CABCOCO1: variants seen among roughly 807,000 people sequenced by gnomAD.
The protein encoded by CABCOCO1 is ciliary-associated calcium-binding coiled-coil protein 1.
Under a neutral mutation model 35.7 loss-of-function variants are expected in CABCOCO1, and 28 were observed. The observed-to-expected ratio is 0.78, with a 90% CI of 0.58 to 1.07. The LOEUF (loss-of-function observed/expected upper bound fraction) is 1.07. Among genes scored for constraint, CABCOCO1 ranks in the 50% least tolerant of loss-of-function variants. The pLI, the probability that CABCOCO1 is intolerant of heterozygous loss-of-function variation, is 0.00. For synonymous variants in CABCOCO1, 95 were observed against 100.1 expected (o/e 0.95, Z 0.30); for missense variants, 326 against 309.2 (o/e 1.05, Z -0.41).
intron 5 of CABCOCO1, among the ~76,000 whole-genome samples, chr10:61,739,350 T>A (rs1841493867): frequency 6.6e-6 from 1 of 152,216 alleles, no homozygotes; most frequent in African/African-American, 2.4e-5. Context: ...TTCATCCAAA[T>A]TGAAAGTATT....
intron 5 of CABCOCO1, among the ~76,000 whole-genome samples, chr10:61,733,090 T>C (rs1841341454): frequency 6.6e-6 from 1 of 152,078 alleles, no homozygotes; most frequent in South Asian, 2.1e-4. Context: ...AAGTAGTATA[T>C]ACCGTGTTTA....
chr10:61,663,416 T>C (rs1360916602), intron 1 of CABCOCO1, among the ~76,000 whole-genome samples: 1 of 152,014 alleles, frequency 6.6e-6, no homozygotes, highest in African/African-American at 2.4e-5. Context: ...TAATCTCAGA[T>C]TTTTAAATGA....
At chr10:61,668,485 C>T (rs985176120) in intron 1 of CABCOCO1, among the ~76,000 whole-genome samples, 3 of 151,784 alleles carry the variant, frequency 2.0e-5, no homozygotes, top group Non-Finnish European at 2.9e-5. Context: ...AGCAGACTTC[C>T]GGTTTAGTTC....
At chr10:61,748,516 C>G (rs1564555068) in intron 5 of CABCOCO1, among the ~76,000 whole-genome samples, 1 of 152,178 alleles carries the variant, frequency 6.6e-6, no homozygotes, top group Non-Finnish European at 1.5e-5. Context: ...GAAGAAAACA[C>G]GCAGTGGGTG....
chr10:61,672,359 G>A (rs943397616), intron 1 of CABCOCO1, among the ~76,000 whole-genome samples: 4 of 152,168 alleles, frequency 2.6e-5, no homozygotes, highest in Non-Finnish European at 5.9e-5. Context: ...CAGATTCAAT[G>A]AGGAATGTTT....
At chr10:61,677,743 T>C (rs1379860846) in intron 2 of CABCOCO1, among the ~76,000 whole-genome samples, 3 of 150,390 alleles carry the variant, frequency 2.0e-5, no homozygotes, top group Admixed American at 2.0e-4. Flanking sequence ...CTCCTTCCCG[T>C]GTCCATGTGT....
intron 5 of CABCOCO1, among the ~76,000 whole-genome samples, chr10:61,705,525 C>G (rs945725011): frequency 6.6e-6 from 1 of 152,140 alleles, no homozygotes; most frequent in African/African-American, 2.4e-5. Context: ...TCAAAATGCT[C>G]AGAGCCTAGC....
intron 5 of CABCOCO1, among the ~76,000 whole-genome samples, chr10:61,747,573 C>A (rs1841690038): frequency 1.3e-5 from 2 of 152,088 alleles, no homozygotes; most frequent in African/African-American, 4.8e-5. Flanking sequence ...CTTGGTTTTG[C>A]AATGTTCCTT....
intron 2 of CABCOCO1, among the ~76,000 whole-genome samples, chr10:61,680,472 A>AT (rs1839692222): frequency 3.2e-5 from 2 of 61,898 alleles, no homozygotes; most frequent in Admixed American, 2.0e-4. Flanking sequence ...TATATAATAT[A>AT]TATTTATATA....
intron 5 of CABCOCO1, among the ~76,000 whole-genome samples, chr10:61,694,703 C>T (rs1323084804): frequency 6.6e-6 from 1 of 151,962 alleles, no homozygotes; most frequent in Non-Finnish European, 1.5e-5. Flanking sequence ...CTCAGAAATG[C>T]TTTCTATCTA....
At chr10:61,664,292 A>G (rs1219094292) in intron 1 of CABCOCO1, among the ~76,000 whole-genome samples, 1 of 152,178 alleles carries the variant, frequency 6.6e-6, no homozygotes, top group African/African-American at 2.4e-5. Context: ...AATATATACC[A>G]AGCTTAAGAC....
At chr10:61,725,357 C>T (rs1261026544) in intron 5 of CABCOCO1, among the ~76,000 whole-genome samples, 2 of 152,130 alleles carry the variant, frequency 1.3e-5, no homozygotes, top group African/African-American at 2.4e-5. Context: ...TTGGAACCAA[C>T]CCAAATGTCC....
At chr10:61,734,629 T>G (rs1035356680) in intron 5 of CABCOCO1, among the ~76,000 whole-genome samples, 18 of 152,126 alleles carry the variant, frequency 1.2e-4, no homozygotes, top group African/African-American at 4.3e-4. Flanking sequence ...TCTTTTTAAA[T>G]CTGTCTCCTG....
At position 61,680,700 on chromosome 10, in the gene CABCOCO1, ATGTT is replaced by A. The variant is rs1564532871; in HGVS notation, c.165-442_165-439del. Among the ~76,000 whole-genome samples the A allele has an allele frequency of 9.2e-3, 1,113 of 120,910 alleles. 25 individuals carry two copies. The highest frequency in any genetic ancestry group is 0.014 in the Non-Finnish European group (823 of 59,348). The allele number at this position is 120,910 out of a possible 152,430, so 79.3% of individuals were successfully genotyped here. On this transcript the variant is annotated intron_variant, in intron 2 of 7. Coordinates refer to ENST00000648843, the MANE Select transcript of CABCOCO1 (RefSeq NM_001366906.2). ...TATGTTATACATGTATAACATATAT[ATGTT>A]ATACATGTATAACATATATATTATA...
chr10:61,713,114 G>A (rs1317639374), intron 5 of CABCOCO1, among the ~76,000 whole-genome samples: 1 of 152,118 alleles, frequency 6.6e-6, no homozygotes, highest in Non-Finnish European at 1.5e-5. Context: ...CCATTTTCAC[G>A]ATATTGATTC....
chr10:61,717,033 C>T lies in CABCOCO1; in HGVS notation c.552+26412C>T, dbSNP rs193012865. Among the ~76,000 whole-genome samples the T allele has an allele frequency of 5.1e-3, 783 of 152,278 alleles. 5 individuals are homozygous for T. The highest frequency in any genetic ancestry group is 9.2e-3 in the Non-Finnish European group (626 of 68,006). ...AAAGAAAATAGTATAATGGCGAACA[C>T]TACCGAATTCTTAACTATGTGTCAG... On this transcript the variant is annotated intron_variant, in intron 5 of 7. Coordinates refer to ENST00000648843, the MANE Select transcript of CABCOCO1 (RefSeq NM_001366906.2).
At chr10:61,706,268 C>T (rs143353914) in intron 5 of CABCOCO1, among the ~76,000 whole-genome samples, 106 of 152,174 alleles carry the variant, frequency 7.0e-4, no homozygotes, top group African/African-American at 2.4e-3. Flanking sequence ...AACACCATAC[C>T]GTGTATTAAA....
intron 6 of CABCOCO1, 25 bp from the exon 7 acceptor site, chr10:61,760,818 ATGCTCTAGAAATCACCCGAG>A (rs1296081704): frequency 6.4e-7 from 1 of 1,559,272 alleles, no homozygotes; most frequent in Non-Finnish European, 8.7e-7. Flanking sequence ...AAATCACCGA[ATGCTCTAGAAATCACCCGAG>A]TGCTATTTAC....
chr10:61,666,341 A>C (rs1040936684), intron 1 of CABCOCO1, among the ~76,000 whole-genome samples: 1 of 152,266 alleles, frequency 6.6e-6, no homozygotes, highest in Non-Finnish European at 1.5e-5. Context: ...AAGTGAACAC[A>C]TTGTAATCAC....
Sources: allele counts gnomAD v4.1 joint callset (sites outside exome capture counted in the v4.1 genomes callset), GRCh38; gene constraint gnomAD v4.1.1; transcripts MANE v1.5; gene names NCBI Gene and HGNC (gene_info 2026-07-23, HGNC 2026-07-21).